C11orf65: variants seen among roughly 807,000 people sequenced by gnomAD.
C11orf65 encodes the protein chromosome 11 open reading frame 65.
In C11orf65, 38 loss-of-function variants were observed where a neutral mutation model predicts 35.3. That is an observed-to-expected ratio of 1.08 (90% CI 0.83 to 1.41). The LOEUF (loss-of-function observed/expected upper bound fraction) is 1.41, where lower values mean the gene tolerates loss of function less well. C11orf65 is among the 40% of genes most tolerant of loss of function. C11orf65 has a pLI of 0.00. For synonymous variants in C11orf65, 105 were observed against 114.4 expected (o/e 0.92, Z 0.53); for missense variants, 370 against 367.1 (o/e 1.01, Z -0.06).
At chr11:108,409,633 G>T (rs978698142) in intron 3 of C11orf65, among the ~76,000 whole-genome samples, 2 of 152,074 alleles carry the variant, frequency 1.3e-5, no homozygotes, top group African/African-American at 4.8e-5. Context: ...ATACTCTACA[G>T]CAGGGGTCCC....
chr11:108,415,009 T>A (rs970585977), intron 3 of C11orf65, among the ~76,000 whole-genome samples: 1 of 152,088 alleles, frequency 6.6e-6, no homozygotes, highest in African/African-American at 2.4e-5. Flanking sequence ...TTTGGCAAAC[T>A]AGGACTAGAG....
chr11:108,419,299 C>T (rs983609906), intron 3 of C11orf65, among the ~76,000 whole-genome samples: 2 of 152,020 alleles, frequency 1.3e-5, no homozygotes, highest in Non-Finnish European at 2.9e-5. Context: ...TCTAGGAACG[C>T]TAAGACGATT....
intron 1 of C11orf65, among the ~76,000 whole-genome samples, chr11:108,464,745 T>G (rs530075928): frequency 6.6e-6 from 1 of 152,310 alleles, no homozygotes; most frequent in African/African-American, 2.4e-5. Context: ...ACCTGTGGAC[T>G]GAGGAGCCTG....
At chr11:108,425,543 T>G (rs764713485) in intron 3 of C11orf65, among the ~76,000 whole-genome samples, 1 of 152,164 alleles carries the variant, frequency 6.6e-6, no homozygotes, top group Non-Finnish European at 1.5e-5. Flanking sequence ...ACCAGATGGA[T>G]TCACAGCTGA....
At chr11:108,343,096 T>C in intron 2 of C11orf65, 1 of 1,242,238 alleles carries the variant, frequency 8.0e-7, no homozygotes, top group Non-Finnish European at 1.2e-6. Flanking sequence ...CTTTGTCTTC[T>C]ATGGACAGAG....
At chr11:108,402,746 T>C (rs550305232) in intron 6 of C11orf65, among the ~76,000 whole-genome samples, 1 of 152,270 alleles carries the variant, frequency 6.6e-6, no homozygotes, top group Non-Finnish European at 1.5e-5. Context: ...CTCTTTTTCC[T>C]CTTTCCTATC....
intron 2 of C11orf65, among the ~76,000 whole-genome samples, chr11:108,441,806 A>C (rs923697022): frequency 6.6e-6 from 1 of 152,170 alleles, no homozygotes; most frequent in Non-Finnish European, 1.5e-5. Context: ...CCACACCAAA[A>C]TCCCATCTGT....
intron 3 of C11orf65, chr11:108,331,807 T>G: frequency 6.5e-7 from 1 of 1,543,240 alleles, no homozygotes; most frequent in Non-Finnish European, 8.9e-7. Flanking sequence ...CATTTTAATG[T>G]TAAGCAAAAT....
At chr11:108,314,880 G>A (rs1259388306) in intron 6 of C11orf65, among the ~76,000 whole-genome samples, 1 of 152,164 alleles carries the variant, frequency 6.6e-6, no homozygotes, top group Non-Finnish European at 1.5e-5. Flanking sequence ...AATACCGTAA[G>A]TTTATATCAT....
rs1181493043 is a variant in C11orf65 at position 108,317,652 on chromosome 11, TACAC to T, written c.641-8585_641-8582del. The T allele has an allele frequency of 4.3e-3, 514 of 118,288 alleles. 9 individuals carry two copies. The highest frequency in any genetic ancestry group is 0.023 in the African/African-American group (451 of 19,742). The allele number at this position is 118,288 out of a possible 1,614,324, so 7.3% of individuals were successfully genotyped here. The stretch of plus-strand genomic sequence containing the variant: ...ATATATATATATATATATATATATA[TACAC>T]ACACACACACACACACACTATATAT... On this transcript the variant is annotated intron_variant, in intron 6 of 6. Transcript: ENST00000525729.
At chr11:108,448,838 C>G (rs2093305585) in intron 2 of C11orf65, among the ~76,000 whole-genome samples, 1 of 152,160 alleles carries the variant, frequency 6.6e-6, no homozygotes, top group Admixed American at 6.5e-5. Context: ...AAGAGGAAGT[C>G]AAATTGTCCC....
chr11:108,388,373 T>C (rs1422518176), intron 7 of C11orf65, among the ~76,000 whole-genome samples: 1 of 152,260 alleles, frequency 6.6e-6, no homozygotes, highest in Non-Finnish European at 1.5e-5. Context: ...ACTACCATGC[T>C]GTTTATATCA....
At chr11:108,356,737 A>C (rs2089974099) in intron 2 of C11orf65, among the ~76,000 whole-genome samples, 1 of 152,080 alleles carries the variant, frequency 6.6e-6, no homozygotes, top group Admixed American at 6.5e-5. Context: ...GGCCTCAGAA[A>C]TCTTACTAGT....
intron 2 of C11orf65, among the ~76,000 whole-genome samples, chr11:108,351,878 C>CT (rs1396951097): frequency 6.6e-6 from 1 of 151,590 alleles, no homozygotes; most frequent in African/African-American, 2.4e-5. Context: ...CCTTTTTTTC[C>CT]TTTTTTCTGA....
chr11:108,392,087 AC>A (rs1208674793), intron 7 of C11orf65, among the ~76,000 whole-genome samples: 1 of 151,804 alleles, frequency 6.6e-6, no homozygotes, highest in Admixed American at 6.6e-5. Context: ...TCGCTCTGTC[AC>A]CCAGACTGGA....
chr11:108,308,867 A>T, exon 7 of C11orf65: 1 of 660,552 alleles, frequency 1.5e-6, no homozygotes, highest in Non-Finnish European at 2.6e-6. Context: ...GTTTTATACC[A>T]GATTATCTTC....
At chr11:108,321,466 G>A (rs2136245500) in intron 6 of C11orf65, 4 of 1,612,974 alleles carry the variant, frequency 2.5e-6, no homozygotes, top group Non-Finnish European at 3.4e-6. Flanking sequence ...CAGCTTTTCT[G>A]TTACCAATAG....
chr11:108,439,421 C>A (rs1230779664), intron 2 of C11orf65, among the ~76,000 whole-genome samples: 3 of 152,180 alleles, frequency 2.0e-5, no homozygotes, highest in Non-Finnish European at 2.9e-5. Context: ...TAAAGTTTGG[C>A]AGTTCCTCAC....
chr11:108,387,419 T>C (rs1042311353), intron 7 of C11orf65, among the ~76,000 whole-genome samples: 3 of 152,018 alleles, frequency 2.0e-5, no homozygotes, highest in African/African-American at 7.2e-5. Flanking sequence ...CCTCCCAAAG[T>C]GACACTGTGA....
Sources: allele counts gnomAD v4.1 joint callset (sites outside exome capture counted in the v4.1 genomes callset), GRCh38; gene constraint gnomAD v4.1.1; transcripts MANE v1.5; gene names NCBI Gene and HGNC (gene_info 2026-07-23, HGNC 2026-07-21).